NDUFB6: variants seen among roughly 807,000 people sequenced by gnomAD.
NDUFB6 encodes the protein NADH dehydrogenase [ubiquinone] 1 beta subcomplex subunit 6.
A neutral mutation model predicts 17.5 loss-of-function variants in NDUFB6; 23 were observed. That is an observed-to-expected ratio of 1.31 (90% CI 0.94 to 1.86). The LOEUF is 1.86. NDUFB6 is among the 40% of genes most tolerant of loss of function. NDUFB6 has a pLI of 0.00. For missense variants in NDUFB6, 167 were observed against 153.8 expected, an observed-to-expected ratio of 1.09 and a Z score of -0.46; for synonymous variants, 60 against 53.5, an observed-to-expected ratio of 1.12 and a Z score of -0.53.
intron 2 of NDUFB6, among the ~76,000 whole-genome samples, 162 bp from the exon 3 acceptor site, chr9:32,559,116 C>A (rs10813835): frequency 6.6e-6 from 1 of 151,954 alleles, no homozygotes; most frequent in Non-Finnish European, 1.5e-5. Context: ...AGCTATCAAA[C>A]AGGCATCTCA....
intron 2 of NDUFB6, among the ~76,000 whole-genome samples, chr9:32,564,845 C>A (rs1302866611): frequency 6.6e-6 from 1 of 152,204 alleles, no homozygotes; most frequent in Non-Finnish European, 1.5e-5. Context: ...ACTACAACAT[C>A]CTTTTGCACT....
At chr9:32,566,621 T>C (rs1217501488) in intron 2 of NDUFB6, 1 of 790,250 alleles carries the variant, frequency 1.3e-6, no homozygotes, top group Non-Finnish European at 2.3e-6. Context: ...CCTGAGCCTC[T>C]GCACCCACCA....
At chr9:32,559,641 C>T (rs1469168940) in intron 2 of NDUFB6, among the ~76,000 whole-genome samples, 1 of 152,102 alleles carries the variant, frequency 6.6e-6, no homozygotes, top group Non-Finnish European at 1.5e-5. Context: ...ACTGCTTGAC[C>T]TGTATCTTCA....
In NDUFB6 at chr9:32,573,002, C is replaced by G; in HGVS notation, c.59G>C (p.Arg20Thr). 1 of 1,609,256 alleles carries G rather than the reference C, an allele frequency of 6.2e-7. No individual in the cohort carries two copies. The change falls in exon 1 of 4, where the codon AGG becomes ACG. Residue 20 changes from arginine (R) to threonine (T), a missense_variant. Physicochemically the swap from Arg to Thr is moderately conservative, Grantham distance 71. Coordinates refer to ENST00000379847, the MANE Select transcript of NDUFB6 (RefSeq NM_002493.5). ...CAGCTCCTGGTCCTTCAGCCATCGCCTTCTCAGCTCTCGCAGCTGCTGCAG... is the reference window on the plus strand; with the variant it reads ...CAGCTCCTGGTCCTTCAGCCATCGCGTTCTCAGCTCTCGCAGCTGCTGCAG... ...LRLQQLRELRRRWLKDQELSP... is the reference protein window; with the variant it reads ...LRLQQLRELRTRWLKDQELSP...
intron 2 of NDUFB6, among the ~76,000 whole-genome samples, chr9:32,570,520 T>G (rs1040488237): frequency 5.9e-5 from 9 of 152,192 alleles, no homozygotes; most frequent in African/African-American, 2.2e-4. Context: ...CTGGACATCC[T>G]GAGTTCTAAA....
chr9:32,562,183 T>C (rs995320351), intron 2 of NDUFB6, among the ~76,000 whole-genome samples: 2 of 152,182 alleles, frequency 1.3e-5, no homozygotes, highest in African/African-American at 4.8e-5. Flanking sequence ...TTAACTTTTT[T>C]CCTCCGTACT....
At chr9:32,569,147 T>C (rs637421) in intron 2 of NDUFB6, among the ~76,000 whole-genome samples, 92,345 of 152,076 alleles carry the variant, frequency 0.61, 28,407 homozygotes, top group Middle Eastern at 0.7. Context: ...AGACCTTCCA[T>C]TAGCAAAAAG....
intron 3 of NDUFB6, among the ~76,000 whole-genome samples, chr9:32,557,175 T>C (rs1193471131): frequency 6.8e-6 from 1 of 146,470 alleles, no homozygotes; most frequent in Non-Finnish European, 1.5e-5. Flanking sequence ...TTTTTTTTTT[T>C]TTTTCCCGAG....
At chr9:32,566,061 T>A in intron 2 of NDUFB6, 1 of 415,066 alleles carries the variant, frequency 2.4e-6, no homozygotes, top group South Asian at 3.1e-5. Flanking sequence ...CAGGAGCTAC[T>A]GGAGTGACCA....
intron 3 of NDUFB6, among the ~76,000 whole-genome samples, chr9:32,558,203 C>T (rs534246415): frequency 5.3e-5 from 8 of 150,974 alleles, no homozygotes; most frequent in African/African-American, 1.7e-4. Flanking sequence ...GCTCCACCTC[C>T]CAGGTTCACG....
At chr9:32,554,742 T>G (rs1276581706) in intron 3 of NDUFB6, among the ~76,000 whole-genome samples, 1 of 152,208 alleles carries the variant, frequency 6.6e-6, no homozygotes, top group African/African-American at 2.4e-5. Flanking sequence ...CCAATAGAAA[T>G]CATTGCCTTG....
At chr9:32,565,976 AAAAC>A (rs919018869) in intron 2 of NDUFB6, among the ~76,000 whole-genome samples, 4 of 152,302 alleles carry the variant, frequency 2.6e-5, no homozygotes, top group East Asian at 1.9e-4. Flanking sequence ...CCACCTACAA[AAAAC>A]AAACAAACAA....
intron 2 of NDUFB6, among the ~76,000 whole-genome samples, chr9:32,569,870 T>G (rs1018941580): frequency 1.4e-5 from 2 of 147,638 alleles, no homozygotes; most frequent in African/African-American, 2.5e-5. Context: ...TACACTGCTA[T>G]TACACACTTA....
At chr9:32,569,841 A>G (rs1821900130) in intron 2 of NDUFB6, among the ~76,000 whole-genome samples, 1 of 129,786 alleles carries the variant, frequency 7.7e-6, no homozygotes, top group South Asian at 2.6e-4. Context: ...TTTAAATTAA[A>G]GCATATACAT....
chr9:32,565,300 A>G (rs2119023807), intron 2 of NDUFB6: 1 of 152,320 alleles, frequency 6.6e-6, no homozygotes, highest in East Asian at 1.9e-4. Context: ...TCAAAAAAAA[A>G]AAAGAAAAAA....
At chr9:32,572,071 A>T (rs1821951380) in intron 1 of NDUFB6, among the ~76,000 whole-genome samples, 1 of 152,208 alleles carries the variant, frequency 6.6e-6, no homozygotes, top group Non-Finnish European at 1.5e-5. Context: ...AGGAATATCT[A>T]CCTTACAGGA....
intron 2 of NDUFB6, among the ~76,000 whole-genome samples, chr9:32,569,384 CA>C: frequency 6.6e-6 from 1 of 151,852 alleles, no homozygotes; most frequent in African/African-American, 2.4e-5. Context: ...ATGCCCAGCT[CA>C]TTTTTTTTAT....
At chr9:32,557,651 G>T (rs1224590068) in intron 3 of NDUFB6, among the ~76,000 whole-genome samples, 2 of 148,394 alleles carry the variant, frequency 1.3e-5, no homozygotes, top group African/African-American at 5.0e-5. Context: ...GGTAATTTTT[G>T]TATTTTTAGT....
At chr9:32,564,736 A>G (rs1821729748) in intron 2 of NDUFB6, among the ~76,000 whole-genome samples, 1 of 152,200 alleles carries the variant, frequency 6.6e-6, no homozygotes. Context: ...CTGAGATGAT[A>G]GTAACTCTGA....
Sources: allele counts gnomAD v4.1 joint callset (sites outside exome capture counted in the v4.1 genomes callset), GRCh38; gene constraint gnomAD v4.1.1; transcripts MANE v1.5; gene names NCBI Gene and HGNC (gene_info 2026-07-23, HGNC 2026-07-21).